Variants in MROH1 observed in about 807,000 individuals in gnomAD.
MROH1 encodes the protein maestro heat-like repeat-containing protein family member 1.
In MROH1, 117 loss-of-function variants were observed where a neutral mutation model predicts 116.5. That is an observed-to-expected ratio of 1.00 (90% CI 0.86 to 1.17). The LOEUF (loss-of-function observed/expected upper bound fraction) is 1.17, where lower values mean the gene tolerates loss of function less well. MROH1 is among the 50% of genes most tolerant of loss of function. The pLI is 0.00. For synonymous variants in MROH1, 921 were observed against 583.9 expected (o/e 1.58, Z -8.32); for missense variants, 1,873 against 1,338.5 (o/e 1.40, Z -6.23).
intron 14 of MROH1, among the ~76,000 whole-genome samples, chr8:144,234,154 C>T (rs955587382): frequency 1.3e-5 from 2 of 152,074 alleles, no homozygotes; most frequent in Admixed American, 6.6e-5. Context: ...GGACTACAGG[C>T]GCCTGCAACC....
intron 4 of MROH1, among the ~76,000 whole-genome samples, chr8:144,172,834 C>T (rs971808428): frequency 5.9e-5 from 9 of 152,120 alleles, no homozygotes; most frequent in East Asian, 3.8e-4. Context: ...TATTGATTTA[C>T]GTCTTTGCCT....
At chr8:144,198,740 A>G (rs1477416930) in intron 10 of MROH1, among the ~76,000 whole-genome samples, 2 of 151,726 alleles carry the variant, frequency 1.3e-5, no homozygotes, top group Non-Finnish European at 2.9e-5. Context: ...GGCATGGGAG[A>G]CTCTCCTCTT....
Position 144,182,526 on chromosome 8 carries a change from A to G in MROH1, c.562+2003A>G, listed in dbSNP as rs1233126415. Reference sequence around the variant, plus strand: ...CATTCACGGGACAAGAGGTGTCACCATGGAGAAGCCACATTGAGAGAATAA... The same window carrying G: ...CATTCACGGGACAAGAGGTGTCACCGTGGAGAAGCCACATTGAGAGAATAA... On this transcript the variant is annotated intron_variant, in intron 7 of 43. Transcript: ENST00000326134. The surrounding 1 kb of genome is among the most constrained non-coding windows in gnomAD (Gnocchi z 4.1). Among the ~76,000 whole-genome samples the G allele has an allele frequency of 6.6e-6, 1 of 152,244 alleles. No individual in the cohort carries two copies. The highest frequency in any genetic ancestry group is 2.4e-5 in the African/African-American group (1 of 41,466).
Position 144,152,392 on chromosome 8 carries a change from AAT to A in MROH1, c.-177+4317_-177+4318del, listed in dbSNP as rs1491237472. On this transcript the variant is annotated intron_variant, in intron 1 of 43. Transcript: ENST00000326134. ...CTGCCTTGTTTTTTTATTTAAAAAA[AAT>A]TTTTTTTTTTTTTGAGACGGAGTCT... Among the ~76,000 whole-genome samples, 8 of 91,000 alleles carry A rather than the reference AAT, an allele frequency of 8.8e-5. No homozygotes were observed. The East Asian group carries it at 1.2e-3, about 14-fold the overall frequency. 59.7% of individuals were successfully genotyped at this position (91,000 alleles called of 152,430 possible).
intron 10 of MROH1, among the ~76,000 whole-genome samples, chr8:144,196,284 C>T (rs1428994523): frequency 2.4e-5 from 3 of 123,028 alleles, no homozygotes; most frequent in Non-Finnish European, 3.8e-5. Context: ...AGTGAGATTC[C>T]GTCTCCAAAA....
Position 144,241,381 on chromosome 8 carries a change from G to A in MROH1, c.2056-14G>A. ...GTGCTCTTCCCTGCCCGGGGTAAGT[G>A]TGCTGCCCCCCAGGGCCTCGCCTGC... is the stretch of plus-strand genomic sequence containing the variant. On this transcript the variant is annotated splice_polypyrimidine_tract_variant and intron_variant, in intron 21 of 43. Transcript: ENST00000326134. 1.3e-6 allele frequency: 1 copy of A among 769,156 alleles called. No homozygotes were observed. Among genetic ancestry groups the A allele is most frequent in the Non-Finnish European group, 2.4e-6 (1 of 413,038 alleles). The allele number at this position is 769,156 out of a possible 1,614,324, so 47.6% of individuals were successfully genotyped here. A position where few individuals can be genotyped will look rare whatever the true frequency, so the allele number is the denominator to read the frequency against.
intron 33 of MROH1, chr8:144,252,065 G>A (rs967513949): frequency 3.4e-4 from 67 of 195,302 alleles, no homozygotes; most frequent in African/African-American, 1.2e-3. Flanking sequence ...TCTCCTTGCC[G>A]GACAGTGCTG....
At chr8:144,210,993 A>G (rs990824432) in intron 12 of MROH1, among the ~76,000 whole-genome samples, 9 of 152,106 alleles carry the variant, frequency 5.9e-5, no homozygotes, top group South Asian at 4.1e-4. Context: ...GCAACTCCCC[A>G]TATTTAAGTC....
At chr8:144,195,501 CAAAAAAAAAAAAAA>C (rs1163550725) in intron 10 of MROH1, among the ~76,000 whole-genome samples, 1 of 35,330 alleles carries the variant, frequency 2.8e-5, no homozygotes, top group African/African-American at 1.1e-4. Flanking sequence ...GACTCTGTCT[CAAAAAAAAAAAAAA>C]AAAAAAAAAA....
chr8:144,191,819 C>G lies in MROH1; in HGVS notation c.819C>G (p.Leu273=), dbSNP rs1564439317. Reference sequence around the variant, plus strand: ...AGCTCCTCCCTGGGATTCTCGCCCTCTACAAGAAGCACGCAGAGACCTTCT... The same window carrying G: ...AGCTCCTCCCTGGGATTCTCGCCCTGTACAAGAAGCACGCAGAGACCTTCT... ...LPKLLPGILA[L]YKKHAETFYL... The change falls in exon 9 of 44, where the codon CTC becomes CTG. Residue 273 remains leucine (L), a synonymous_variant. Coordinates refer to ENST00000326134, the MANE Select transcript of MROH1 (RefSeq NM_032450.3). 6.2e-7 allele frequency: 1 copy of G among 1,613,546 alleles called. No homozygotes were observed. The highest frequency in any genetic ancestry group is 8.5e-7 in the Non-Finnish European group (1 of 1,179,838).
Position 144,261,639 on chromosome 8 carries a change from C to A in MROH1, c.4841-16C>A, listed in dbSNP as rs1845102593. The A allele has an allele frequency of 5.6e-6, 4 of 708,386 alleles. No individual in the cohort carries two copies. The Admixed American group carries it at 7.8e-5, about 14-fold the overall frequency. 43.9% of individuals were successfully genotyped at this position (708,386 alleles called of 1,614,324 possible). On this transcript the variant is annotated splice_polypyrimidine_tract_variant and intron_variant, in intron 43 of 43. Transcript: ENST00000326134. ...GAGGTCACAGCCCGCAGGCAGCCCC[C>A]CTCCTCTACCCCCAGCGCTCCAGAT...
chr8:144,241,948 C>T (rs1841069884), intron 22 of MROH1, among the ~76,000 whole-genome samples: 1 of 152,256 alleles, frequency 6.6e-6, no homozygotes, highest in Non-Finnish European at 1.5e-5. Flanking sequence ...GTCCCAGTTA[C>T]AGCATCTCAG....
chr8:144,261,469 C>T, intron 43 of MROH1, 120 bp downstream of exon 43: 2 of 696,446 alleles, frequency 2.9e-6, no homozygotes, highest in South Asian at 3.0e-5. Context: ...ACCTCATCGT[C>T]TCTAGTAATT....
chr8:144,243,760 C>T (rs1016522701), intron 25 of MROH1, 103 bp from the exon 26 acceptor site: 10 of 740,592 alleles, frequency 1.4e-5, no homozygotes, highest in Admixed American at 7.7e-5. Context: ...TGGGGCTCTG[C>T]TCCTCGGGCC....
chr8:144,209,112 G>T (rs1833532498), intron 12 of MROH1, among the ~76,000 whole-genome samples: 1 of 151,060 alleles, frequency 6.6e-6, no homozygotes, highest in African/African-American at 2.4e-5. Flanking sequence ...AGTCAGGCTG[G>T]TCTCAAACTC....
Position 144,243,920 on chromosome 8 carries a change from A to G in MROH1, c.2533A>G (p.Met845Val). Residue 845 changes from methionine to valine, a missense_variant, in exon 26 of 44, where the codon ATG becomes GTG. By Grantham distance (21) the Met-to-Val change is conservative. Coordinates refer to ENST00000326134, the MANE Select transcript of MROH1 (RefSeq NM_032450.3). ...GAGGACACCTATTCGGAAGAAAGCCATGCTCACCTGCACTTACTTGGTGTA... is the reference window on the plus strand; with the variant it reads ...GAGGACACCTATTCGGAAGAAAGCCGTGCTCACCTGCACTTACTTGGTGTA... The part of the protein sequence containing the change: ...SLRTPIRKKA[M>V]LTCTYLVSVE... 1 of 780,488 alleles carries G rather than the reference A, an allele frequency of 1.3e-6. No homozygotes were observed. Among genetic ancestry groups the G allele is most frequent in the Non-Finnish European group, 2.4e-6 (1 of 417,730 alleles). 48.3% of individuals were successfully genotyped at this position (780,488 alleles called of 1,614,324 possible). A position where few individuals can be genotyped will look rare whatever the true frequency, so the allele number is the denominator to read the frequency against.
chr8:144,192,450 G>A (rs991828077), intron 10 of MROH1, 49 bp downstream of exon 10: 2 of 1,491,024 alleles, frequency 1.3e-6, no homozygotes, highest in South Asian at 1.2e-5. Flanking sequence ...ACACCCTTCC[G>A]TGGGAAGTTG....
At chr8:144,175,478 T>C (rs1823626184) in intron 4 of MROH1, 1 of 985,128 alleles carries the variant, frequency 1.0e-6, no homozygotes, top group African/African-American at 1.7e-5. Context: ...TTTTCAATTC[T>C]TTCCTCCCCA....
intron 7 of MROH1, among the ~76,000 whole-genome samples, chr8:144,183,020 G>T (rs1445498574): frequency 6.6e-6 from 1 of 152,156 alleles, no homozygotes; most frequent in Non-Finnish European, 1.5e-5. Context: ...AGGCTGCAGT[G>T]AGCCAAGATT....
Sources: allele counts gnomAD v4.1 joint callset (sites outside exome capture counted in the v4.1 genomes callset), GRCh38; gene constraint gnomAD v4.1.1; non-coding constraint Gnocchi (gnomAD v3.1); transcripts MANE v1.5; gene names NCBI Gene and HGNC (gene_info 2026-07-23, HGNC 2026-07-21).